ADAMTSL1: variants seen among roughly 807,000 people sequenced by gnomAD.
ADAMTSL1 encodes the protein ADAMTS like 1.
Under a neutral mutation model 201.8 loss-of-function variants are expected in ADAMTSL1, and 126 were observed. The ratio of observed to expected loss-of-function variants is 0.62; its 90% CI spans 0.54 to 0.72. The LOEUF (loss-of-function observed/expected upper bound fraction) is 0.72, where lower values mean the gene tolerates loss of function less well. ADAMTSL1 is among the 30% of genes least tolerant of loss of function. ADAMTSL1 has a pLI of 0.00. For missense variants in ADAMTSL1, 2,679 were observed against 2,277.8 expected (o/e 1.18, Z -3.59); for synonymous variants, 1,121 against 903.4 (o/e 1.24, Z -4.32).
chr9:18,390,926 T>C (rs1838019976), intron 2 of ADAMTSL1, among the ~76,000 whole-genome samples: 1 of 152,190 alleles, frequency 6.6e-6, no homozygotes, highest in Non-Finnish European at 1.5e-5. Context: ...GATAATAATG[T>C]ATGCTGAGAT....
At chr9:18,908,337 C>A in intron 28 of ADAMTSL1, 105 bp from the exon 29 acceptor site, 1 of 929,024 alleles carries the variant, frequency 1.1e-6, no homozygotes, top group Non-Finnish European at 1.7e-6. Flanking sequence ...AGGATGTACC[C>A]CAGTGGCTGA....
At chr9:18,277,481 T>C (rs1245336652) in intron 2 of ADAMTSL1, among the ~76,000 whole-genome samples, 1 of 152,190 alleles carries the variant, frequency 6.6e-6, no homozygotes, top group African/African-American at 2.4e-5. Flanking sequence ...ATATTTATGG[T>C]TTTTATATTG....
intron 16 of ADAMTSL1, among the ~76,000 whole-genome samples, chr9:18,765,477 T>C (rs558419104): frequency 5.6e-4 from 79 of 140,172 alleles, no homozygotes; most frequent in Admixed American, 9.6e-4. Context: ...ATACACTGCA[T>C]TTTCAACAGT....
At chr9:18,242,186 A>C (rs1329438926) in intron 2 of ADAMTSL1, among the ~76,000 whole-genome samples, 1 of 152,140 alleles carries the variant, frequency 6.6e-6, no homozygotes, top group East Asian at 1.9e-4. Context: ...TTCATCCCTG[A>C]CATGCAAGGC....
Position 18,657,811 on chromosome 9 carries a change from T to A in ADAMTSL1, c.946+61T>A, listed in dbSNP as rs1354717106. ...TCTGTGAGGAAATACTTGGGTATTA[T>A]AAGAGTAGAGTTACTTCAGCATGGA... On this transcript the variant is annotated intron_variant, in intron 8 of 28. Transcript: ENST00000380548. 4 of 1,376,304 alleles carry A rather than the reference T, an allele frequency of 2.9e-6. No homozygotes were observed. In the African/African-American group the frequency reaches 4.3e-5, roughly 15 times the overall value. 85.3% of individuals were successfully genotyped at this position (1,376,304 alleles called of 1,614,324 possible). A position where few individuals can be genotyped will look rare whatever the true frequency, so the allele number is the denominator to read the frequency against.
chr9:18,426,061 AG>A (rs2133381608), intron 2 of ADAMTSL1, among the ~76,000 whole-genome samples: 1 of 152,300 alleles, frequency 6.6e-6, no homozygotes, highest in African/African-American at 2.4e-5. Context: ...TTTCGTCAAA[AG>A]TGTGGCTGTA....
chr9:18,192,210 A>C (rs1276492666), intron 2 of ADAMTSL1, among the ~76,000 whole-genome samples: 1 of 152,150 alleles, frequency 6.6e-6, no homozygotes, highest in African/African-American at 2.4e-5. Context: ...GCTTCAATAA[A>C]TCAATAATGG....
intron 1 of ADAMTSL1, among the ~76,000 whole-genome samples, chr9:17,932,630 T>C (rs920070780): frequency 2.0e-5 from 3 of 152,168 alleles, no homozygotes; most frequent in African/African-American, 7.2e-5. Flanking sequence ...AGGAATAAAC[T>C]TCCACTAAGT....
chr9:18,647,872 G>A (rs531732571), intron 7 of ADAMTSL1, among the ~76,000 whole-genome samples: 1 of 151,196 alleles, frequency 6.6e-6, no homozygotes, highest in Non-Finnish European at 1.5e-5. Flanking sequence ...TGTTGATTTG[G>A]GGTGGAGAGT....
At chr9:18,590,946 A>T (rs1280511985) in intron 4 of ADAMTSL1, among the ~76,000 whole-genome samples, 1 of 152,142 alleles carries the variant, frequency 6.6e-6, no homozygotes, top group Non-Finnish European at 1.5e-5. Context: ...GTGTGTCCTA[A>T]TATATGGCTT....
At chr9:18,518,582 C>G (rs928453554) in intron 2 of ADAMTSL1, among the ~76,000 whole-genome samples, 2 of 152,036 alleles carry the variant, frequency 1.3e-5, no homozygotes, top group African/African-American at 4.8e-5. Flanking sequence ...TATGACTTTG[C>G]TATTGTGAAT....
At chr9:18,155,716 C>G (rs1320222802) in intron 1 of ADAMTSL1, among the ~76,000 whole-genome samples, 1 of 151,934 alleles carries the variant, frequency 6.6e-6, no homozygotes, top group Non-Finnish European at 1.5e-5. Flanking sequence ...AAGAGAGGAG[C>G]CCTAACAGAG....
intron 4 of ADAMTSL1, among the ~76,000 whole-genome samples, chr9:18,578,030 C>G (rs1330225062): frequency 2.0e-5 from 3 of 149,844 alleles, no homozygotes; most frequent in Non-Finnish European, 4.4e-5. Context: ...TCACTAATAG[C>G]ACTTCACAGC....
chr9:18,405,084 C>G (rs1417525855), intron 2 of ADAMTSL1, among the ~76,000 whole-genome samples: 1 of 152,112 alleles, frequency 6.6e-6, no homozygotes, highest in South Asian at 2.1e-4. Context: ...TGTTTGTCTC[C>G]CTCCAGCCTC....
In ADAMTSL1 at chr9:18,254,512, G is replaced by A. The variant is rs556527316; in HGVS notation, c.207+90531G>A. On this transcript the variant is annotated intron_variant, in intron 2 of 29. Coordinates refer to the ADAMTSL1 transcript ENST00000680146. ...CACGTAGCTGGGACTACAGGCTCCCGCCACCACGCCCGGCTAACTTTTTTG... is the reference window on the plus strand; with the variant it reads ...CACGTAGCTGGGACTACAGGCTCCCACCACCACGCCCGGCTAACTTTTTTG... Among the ~76,000 whole-genome samples, 11 of 151,514 alleles carry A rather than the reference G, an allele frequency of 7.3e-5. 1 individual carries two copies. The highest frequency in any genetic ancestry group is 2.1e-4 in the South Asian group (1 of 4,780).
At chr9:18,883,017 A>G (rs913706392) in intron 23 of ADAMTSL1, among the ~76,000 whole-genome samples, 4 of 150,448 alleles carry the variant, frequency 2.7e-5, no homozygotes, top group Non-Finnish European at 4.4e-5. Context: ...AAAAGAGGAT[A>G]TAGGTCAGGT....
intron 2 of ADAMTSL1, among the ~76,000 whole-genome samples, chr9:18,429,491 C>G (rs1819385727): frequency 6.6e-6 from 1 of 152,104 alleles, no homozygotes; most frequent in Non-Finnish European, 1.5e-5. Context: ...GTGACGGTTT[C>G]TAAACCAAAA....
intron 8 of ADAMTSL1, among the ~76,000 whole-genome samples, chr9:18,661,314 A>T (rs1829077294): frequency 1.3e-5 from 2 of 152,322 alleles, no homozygotes; most frequent in South Asian, 4.1e-4. Context: ...TGGAACAGTA[A>T]CAGGGAGGTG....
intron 19 of ADAMTSL1, among the ~76,000 whole-genome samples, chr9:18,778,393 C>T (rs1588093859): frequency 1.3e-5 from 2 of 152,204 alleles, no homozygotes; most frequent in East Asian, 3.8e-4. Flanking sequence ...CTGTGCTGGA[C>T]AAGGCTGTTT....
Sources: gnomAD v4.1 joint callset for allele counts (sites outside exome capture counted in the v4.1 genomes callset) on GRCh38, gnomAD v4.1.1 for gene constraint, MANE v1.5 for transcripts, NCBI Gene and HGNC (gene_info 2026-07-23, HGNC 2026-07-21) for gene names.